RIPOR2: variants seen among roughly 807,000 people sequenced by gnomAD.
The protein encoded by RIPOR2 is rho family-interacting cell polarization regulator 2.
In RIPOR2, 39 loss-of-function variants were observed where a neutral mutation model predicts 114.5. The ratio of observed to expected loss-of-function variants is 0.34; its 90% CI spans 0.26 to 0.44. The LOEUF is 0.44. RIPOR2 is among the 20% of genes least tolerant of loss of function. The pLI, the probability that RIPOR2 is intolerant of heterozygous loss-of-function variation, is 1.00. For missense variants in RIPOR2, 1,007 were observed against 1,255.1 expected (o/e 0.80, Z 2.99); for synonymous variants, 445 against 484.4 (o/e 0.92, Z 1.07).
At chr6:24,865,505 A>G in intron 6 of RIPOR2, 55 bp from the exon 7 acceptor site, 1 of 1,433,678 alleles carries the variant, frequency 7.0e-7, no homozygotes, top group South Asian at 1.3e-5. Flanking sequence ...AAGAAAATAC[A>G]TAGATCATTG....
intron 1 of RIPOR2, among the ~76,000 whole-genome samples, chr6:24,957,974 T>C (rs1195532669): frequency 1.3e-5 from 2 of 152,148 alleles, no homozygotes; most frequent in Non-Finnish European, 2.9e-5. Flanking sequence ...GATCAGTCTT[T>C]CTTGAGTGTA....
At chr6:25,022,465 T>C (rs1776365439) in intron 1 of RIPOR2, among the ~76,000 whole-genome samples, 2 of 150,694 alleles carry the variant, frequency 1.3e-5, no homozygotes, top group African/African-American at 4.9e-5. Context: ...TGCTTAATCA[T>C]TAATTCATAA....
chr6:24,920,604 A>T (rs1484671470), intron 1 of RIPOR2, among the ~76,000 whole-genome samples: 2 of 152,208 alleles, frequency 1.3e-5, no homozygotes, highest in Non-Finnish European at 2.9e-5. Context: ...ATAATTTTCT[A>T]TTATGTATAT....
At chr6:24,833,129 C>T in intron 15 of RIPOR2, among the ~76,000 whole-genome samples, 1 of 152,152 alleles carries the variant, frequency 6.6e-6, no homozygotes, top group East Asian at 1.9e-4. Flanking sequence ...GGTTCTACTC[C>T]TTTCTGTGTC....
chr6:24,838,249 T>G (rs1469617337), intron 14 of RIPOR2, among the ~76,000 whole-genome samples: 1 of 152,150 alleles, frequency 6.6e-6, no homozygotes, highest in Admixed American at 6.6e-5. Context: ...ATATGCACCA[T>G]GGGACTTAAA....
intron 9 of RIPOR2, among the ~76,000 whole-genome samples, chr6:24,852,242 A>G (rs996129306): frequency 7.9e-5 from 12 of 152,170 alleles, no homozygotes; most frequent in Admixed American, 1.3e-4. Context: ...AGCCTGGGCA[A>G]CAGAGCGAGA....
At chr6:24,913,663 C>T (rs139539289) in intron 1 of RIPOR2, among the ~76,000 whole-genome samples, 185 of 152,294 alleles carry the variant, frequency 1.2e-3, no homozygotes, top group African/African-American at 4.3e-3. Context: ...CTTCACACCG[C>T]CTCTCCAATC....
At chr6:24,924,649 T>A (rs1479616108) in intron 1 of RIPOR2, among the ~76,000 whole-genome samples, 3 of 152,112 alleles carry the variant, frequency 2.0e-5, no homozygotes, top group African/African-American at 7.2e-5. Context: ...TAAAAGAGTA[T>A]TAAAATAATC....
At chr6:25,031,162 A>G (rs947162765) in intron 1 of RIPOR2, 8 of 152,322 alleles carry the variant, frequency 5.3e-5, no homozygotes, top group Admixed American at 4.6e-4. Context: ...GGAGGTCACC[A>G]TATTGATGTT....
chr6:24,942,867 T>C (rs947974236), intron 1 of RIPOR2, among the ~76,000 whole-genome samples: 10 of 152,246 alleles, frequency 6.6e-5, no homozygotes, highest in Non-Finnish European at 1.2e-4. Context: ...GTAGGTTGCC[T>C]GTTCACTCTG....
chr6:25,021,613 C>T (rs1776321528), intron 1 of RIPOR2, among the ~76,000 whole-genome samples: 1 of 152,028 alleles, frequency 6.6e-6, no homozygotes, highest in African/African-American at 2.4e-5. Context: ...ATAAGAAAGA[C>T]ACAAAGAACT....
At chr6:24,851,596 A>G (rs1023151884) in intron 9 of RIPOR2, among the ~76,000 whole-genome samples, 15 of 152,290 alleles carry the variant, frequency 9.8e-5, no homozygotes, top group East Asian at 5.8e-4. Context: ...TGTTAGATGA[A>G]ATGGTTATAT....
At chr6:24,839,041 G>A (rs1011645508) in intron 14 of RIPOR2, 50 bp downstream of exon 14, 16 of 1,440,834 alleles carry the variant, frequency 1.1e-5, no homozygotes, top group Non-Finnish European at 1.5e-5. Context: ...AAGAACTACT[G>A]TATCAGCTGT....
chr6:24,993,870 T>C (rs1774936967), intron 1 of RIPOR2, among the ~76,000 whole-genome samples: 1 of 152,256 alleles, frequency 6.6e-6, no homozygotes, highest in Non-Finnish European at 1.5e-5. Flanking sequence ...ATATTTACTA[T>C]CTGACTCCTG....
intron 1 of RIPOR2, among the ~76,000 whole-genome samples, chr6:24,995,888 C>T (rs181657064): frequency 2.6e-5 from 4 of 151,452 alleles, no homozygotes; most frequent in East Asian, 1.9e-4. Flanking sequence ...CTGCAAGCTC[C>T]GCCTCCCGGG....
intron 1 of RIPOR2, among the ~76,000 whole-genome samples, chr6:24,898,957 T>G (rs907344100): frequency 1.3e-5 from 2 of 151,740 alleles, no homozygotes; most frequent in South Asian, 4.1e-4. Context: ...GTAGTTTTTT[T>G]TTTTTTTTTT....
upstream of RIPOR2, among the ~76,000 whole-genome samples, chr6:24,939,668 T>A (rs1319217555): frequency 6.6e-6 from 1 of 152,216 alleles, no homozygotes; most frequent in Non-Finnish European, 1.5e-5. Flanking sequence ...TTAAGGGAGA[T>A]GTAGGTCACA....
Position 24,991,719 on chromosome 6 carries a change from T to C in RIPOR2, c.76+50132A>G, listed in dbSNP as rs144487207. On this transcript the variant is annotated intron_variant, in intron 1 of 13. Transcript: ENST00000510784. Reference sequence around the variant, plus strand: ...ACCAAAACTGGCTAAGTGGCCTCTGTATCTCCCAGACCCATATCCAAACCT... The same window carrying C: ...ACCAAAACTGGCTAAGTGGCCTCTGCATCTCCCAGACCCATATCCAAACCT... Among the ~76,000 whole-genome samples the C allele has an allele frequency of 1.1e-3, 160 of 152,288 alleles. 4 individuals carry two copies. In the East Asian group the frequency reaches 0.017, roughly 16 times the overall value.
At chr6:24,819,781 G>A (rs544585582) in intron 19 of RIPOR2, among the ~76,000 whole-genome samples, 3 of 150,648 alleles carry the variant, frequency 2.0e-5, no homozygotes, top group African/African-American at 4.9e-5. Context: ...GATTACAGGC[G>A]TGAGCTACTG....
Sources: allele counts gnomAD v4.1 joint callset (sites outside exome capture counted in the v4.1 genomes callset), GRCh38; gene constraint gnomAD v4.1.1; transcripts MANE v1.5; gene names NCBI Gene and HGNC (gene_info 2026-07-23, HGNC 2026-07-21).